BRIP1: variants seen among roughly 807,000 people sequenced by gnomAD.
The protein encoded by BRIP1 is BRCA1 interacting DNA helicase 1.
A neutral mutation model predicts 119.7 loss-of-function variants in BRIP1; 88 were observed. The ratio of observed to expected loss-of-function variants is 0.74; its 90% CI spans 0.62 to 0.88. The LOEUF is 0.88. Among genes scored for constraint, BRIP1 ranks in the 40% least tolerant of loss-of-function variants. BRIP1 has a pLI of 0.00. For missense variants in BRIP1, 1,259 were observed against 1,455.4 expected (o/e 0.87, Z 2.20); for synonymous variants, 443 against 496.5 (o/e 0.89, Z 1.43).
In BRIP1 at chr17:61,776,147, G is replaced by A. The variant is rs1245002681; in HGVS notation, c.2097+254C>T. 1 of 447,290 alleles carries A rather than the reference G, an allele frequency of 2.2e-6. No individual in the cohort carries two copies. Among genetic ancestry groups the A allele is most frequent in the Non-Finnish European group, 4.1e-6 (1 of 244,354 alleles). The allele number at this position is 447,290 out of a possible 1,614,324, so 27.7% of individuals were successfully genotyped here. ...TCCTCCCAGCTCAGCCTCCCAACCT[G>A]CTGGGATTACAAGCATGAGCCACCA... On this transcript the variant is annotated intron_variant, in intron 14 of 19. Coordinates refer to ENST00000259008, the MANE Select transcript of BRIP1 (RefSeq NM_032043.3). This position sits in a 1 kb window ranked among gnomAD's most constrained non-coding sequence, Gnocchi z 5.0.
rs1006506018 is a variant in BRIP1, at chr17:61,746,908, A to G, written c.2098-2317T>C. ...TATTCTTCACAACTGTACATGGAACATTCTCTAGGACAGATCATGTGTTAG... is the reference window on the plus strand; with the variant it reads ...TATTCTTCACAACTGTACATGGAACGTTCTCTAGGACAGATCATGTGTTAG... On this transcript the variant is annotated intron_variant, in intron 14 of 19. Coordinates refer to ENST00000259008, the MANE Select transcript of BRIP1 (RefSeq NM_032043.3). The surrounding 1 kb of genome is among the most constrained non-coding windows in gnomAD (Gnocchi z 4.9). 1.3e-5 allele frequency among the ~76,000 whole-genome samples: 2 copies of G among 152,196 alleles called. No individual in the cohort carries two copies. The highest frequency in any genetic ancestry group is 6.5e-5 in the Admixed American group (1 of 15,282).
chr17:61,792,259 T>C (rs1460277547), intron 10 of BRIP1, among the ~76,000 whole-genome samples: 1 of 152,236 alleles, frequency 6.6e-6, no homozygotes, highest in Non-Finnish European at 1.5e-5. Flanking sequence ...ACAGCCACTT[T>C]TGAAGACTGT....
rs557634209 is a variant in BRIP1 at position 61,860,811 on chromosome 17, G to A, written c.93+636C>T. ...TTATACAACAATTAAAATGGATTAA[G>A]AATCAACAGGGCTATACATTAAAAA... On this transcript the variant is annotated intron_variant, in intron 2 of 19. Coordinates refer to ENST00000259008, the MANE Select transcript of BRIP1 (RefSeq NM_032043.3). This position sits in a 1 kb window ranked among gnomAD's most constrained non-coding sequence, Gnocchi z 4.1. Among the ~76,000 whole-genome samples the A allele has an allele frequency of 1.3e-5, 2 of 152,200 alleles. No individual in the cohort carries two copies. Among genetic ancestry groups the A allele is most frequent in the East Asian group, 3.9e-4 (2 of 5,188 alleles).
rs1046594056 is a variant in BRIP1 at position 61,814,131 on chromosome 17, T to G, written c.628-5374A>C. Among the ~76,000 whole-genome samples, 1 of 152,118 alleles carries G rather than the reference T, an allele frequency of 6.6e-6. No homozygotes were observed. The highest frequency in any genetic ancestry group is 2.4e-5 in the African/African-American group (1 of 41,464). On this transcript the variant is annotated intron_variant, in intron 6 of 19. Coordinates refer to ENST00000259008, the MANE Select transcript of BRIP1 (RefSeq NM_032043.3). This position sits in a 1 kb window ranked among gnomAD's most constrained non-coding sequence, Gnocchi z 4.9. ...GCAAAAGAGCCAGACAGTAAACATTTCAAGCTTCAAAGGCTATATGGTCTC... is the reference window on the plus strand; with the variant it reads ...GCAAAAGAGCCAGACAGTAAACATTGCAAGCTTCAAAGGCTATATGGTCTC...
At position 61,713,147 on chromosome 17, in the gene BRIP1, G is replaced by A. The variant is rs1453111904; in HGVS notation, c.2492+2804C>T. On this transcript the variant is annotated intron_variant, in intron 17 of 19. Coordinates refer to ENST00000259008, the MANE Select transcript of BRIP1 (RefSeq NM_032043.3). The surrounding 1 kb of genome is among the most constrained non-coding windows in gnomAD (Gnocchi z 4.9). ...ATGCATTACAAGTGCTTGTGGCGAT[G>A]CTGGTGTAAACAAACCTACTGTGCT... Among the ~76,000 whole-genome samples, 1 of 152,156 alleles carries A rather than the reference G, an allele frequency of 6.6e-6. No homozygotes were observed. The highest frequency in any genetic ancestry group is 2.4e-5 in the African/African-American group (1 of 41,436).
rs1320529562 is a variant in BRIP1, at chr17:61,693,635, TATC to T, written c.2493-126_2493-124del. 40 of 809,438 alleles carry T rather than the reference TATC, an allele frequency of 4.9e-5. No individual in the cohort carries two copies. In the Admixed American group the frequency reaches 8.5e-4, roughly 17 times the overall value. The allele number at this position is 809,438 out of a possible 1,614,324, so 50.1% of individuals were successfully genotyped here. On this transcript the variant is annotated intron_variant, in intron 17 of 19. Transcript: ENST00000259008. This position sits in a 1 kb window ranked among gnomAD's most constrained non-coding sequence, Gnocchi z 4.2. ...TAGATTCCTTTAAACAATTTGTTATTATCAGAAAAGTTACAGAAGCTATCCAAC... is the reference window on the plus strand; with the variant it reads ...TAGATTCCTTTAAACAATTTGTTATTAGAAAAGTTACAGAAGCTATCCAAC...
intron 6 of BRIP1, among the ~76,000 whole-genome samples, chr17:61,837,054 C>T (rs759559410): frequency 2.0e-5 from 3 of 152,252 alleles, no homozygotes; most frequent in East Asian, 1.9e-4. Context: ...CTTCCTGATA[C>T]GGTTGTTATA....
chr17:61,738,726 T>G lies in BRIP1; in HGVS notation c.2379+4287A>C, dbSNP rs1038150476. Among the ~76,000 whole-genome samples, 5 of 152,232 alleles carry G rather than the reference T, an allele frequency of 3.3e-5. No individual in the cohort carries two copies. Among genetic ancestry groups the G allele is most frequent in the Admixed American group, 2.0e-4 (3 of 15,282 alleles). ...AATGGAATTTTCTCACAAATGTATATTTTTAATTTTAAGAATTTTTGGAAA... is the reference window on the plus strand; with the variant it reads ...AATGGAATTTTCTCACAAATGTATAGTTTTAATTTTAAGAATTTTTGGAAA... On this transcript the variant is annotated intron_variant, in intron 16 of 19. Transcript: ENST00000259008. This position sits in a 1 kb window ranked among gnomAD's most constrained non-coding sequence, Gnocchi z 4.2.
At position 61,809,819 on chromosome 17, in the gene BRIP1, GT is replaced by G. The variant is rs892776223; in HGVS notation, c.628-1063del. ...AGTAGAACAAACACTCTACTTGACT[GT>G]TTTTTTTTATTATTGTAATCAGTAA... is the stretch of plus-strand genomic sequence containing the variant. On this transcript the variant is annotated intron_variant, in intron 6 of 19. Transcript: ENST00000259008. This position sits in a 1 kb window ranked among gnomAD's most constrained non-coding sequence, Gnocchi z 5.2. Among the ~76,000 whole-genome samples, 12 of 151,388 alleles carry G rather than the reference GT, an allele frequency of 7.9e-5. No homozygotes were observed. In the South Asian group the frequency reaches 2.1e-3, roughly 26 times the overall value.
intron 6 of BRIP1, among the ~76,000 whole-genome samples, chr17:61,835,862 T>C (rs944033633): frequency 1.3e-5 from 2 of 152,080 alleles, no homozygotes; most frequent in Non-Finnish European, 2.9e-5. Flanking sequence ...CCTGACCTCA[T>C]ACATGCATGA....
rs1485136140 is a variant in BRIP1 at position 61,795,618 on chromosome 17, T to C, written c.1341-1889A>G. On this transcript the variant is annotated intron_variant, in intron 9 of 19. Transcript: ENST00000259008. The surrounding 1 kb of genome is among the most constrained non-coding windows in gnomAD (Gnocchi z 5.6). ...GTTATGGCTGAATGGTACTCCATTG[T>C]GTATATGTAACCACATTTTCTTTAT... is the stretch of plus-strand genomic sequence containing the variant. Among the ~76,000 whole-genome samples, 2 of 152,168 alleles carry C rather than the reference T, an allele frequency of 1.3e-5. No individual in the cohort carries two copies. The highest frequency in any genetic ancestry group is 4.8e-5 in the African/African-American group (2 of 41,462).
In BRIP1 at chr17:61,699,535, C is replaced by A. The variant is rs1228456892; in HGVS notation, c.2493-6023G>T. On this transcript the variant is annotated intron_variant, in intron 17 of 19. Coordinates refer to ENST00000259008, the MANE Select transcript of BRIP1 (RefSeq NM_032043.3). This position sits in a 1 kb window ranked among gnomAD's most constrained non-coding sequence, Gnocchi z 4.8. ...AATTGCCAACTTAATTTCAATAGTA[C>A]AAAAAAATGGTCCTTCTGTTCCCTC... Among the ~76,000 whole-genome samples, 2 of 151,942 alleles carry A rather than the reference C, an allele frequency of 1.3e-5. No individual in the cohort carries two copies. Among genetic ancestry groups the A allele is most frequent in the Non-Finnish European group, 1.5e-5 (1 of 67,958 alleles).
rs1290758266 is a variant in BRIP1 at position 61,857,987 on chromosome 17, A to G, written c.206-756T>C. On this transcript the variant is annotated intron_variant, in intron 3 of 19. Coordinates refer to ENST00000259008, the MANE Select transcript of BRIP1 (RefSeq NM_032043.3). This position sits in a 1 kb window ranked among gnomAD's most constrained non-coding sequence, Gnocchi z 5.1. ...ACATAAGGGTTAAATCATTCCCCCA[A>G]TTATACTTCTATTTCAAATAGAAAC... is the stretch of plus-strand genomic sequence containing the variant. Among the ~76,000 whole-genome samples the G allele has an allele frequency of 1.3e-5, 2 of 152,166 alleles. No individual in the cohort carries two copies. The highest frequency in any genetic ancestry group is 2.9e-5 in the Non-Finnish European group (2 of 68,016).
intron 10 of BRIP1, among the ~76,000 whole-genome samples, chr17:61,786,495 T>A (rs999696081): frequency 4.6e-5 from 7 of 150,878 alleles, no homozygotes; most frequent in African/African-American, 1.7e-4. Context: ...TGGTAAAAAT[T>A]CCTAAAAATA....
Position 61,713,721 on chromosome 17 carries a change from C to CTCATCATCA in BRIP1, c.2492+2229_2492+2230insTGATGATGA, listed in dbSNP as rs1281017663. 6.6e-6 allele frequency among the ~76,000 whole-genome samples: 1 copy of CTCATCATCA among 151,946 alleles called. No individual in the cohort carries two copies. Among genetic ancestry groups the CTCATCATCA allele is most frequent in the Non-Finnish European group, 1.5e-5 (1 of 67,962 alleles). ...AGTTTTAGTAGAGATGGGGTTTCACCACGTTGGCCAGGTTGCTATCGAACT... is the reference window on the plus strand; with the variant it reads ...AGTTTTAGTAGAGATGGGGTTTCACCTCATCATCAACGTTGGCCAGGTTGCTATCGAACT... On this transcript the variant is annotated intron_variant, in intron 17 of 19. Coordinates refer to ENST00000259008, the MANE Select transcript of BRIP1 (RefSeq NM_032043.3). This position sits in a 1 kb window ranked among gnomAD's most constrained non-coding sequence, Gnocchi z 4.9.
chr17:61,755,522 G>A lies in BRIP1; in HGVS notation c.2098-10931C>T, dbSNP rs549715936. On this transcript the variant is annotated intron_variant, in intron 14 of 19. Coordinates refer to ENST00000259008, the MANE Select transcript of BRIP1 (RefSeq NM_032043.3). The surrounding 1 kb of genome is among the most constrained non-coding windows in gnomAD (Gnocchi z 4.5). ...TGCACTGAGCTGTGATCATGCCACC[G>A]TACTCCAGCCTGGGTGATAGAGTGA... Among the ~76,000 whole-genome samples the A allele has an allele frequency of 7.9e-5, 12 of 152,166 alleles. No homozygotes were observed. Among genetic ancestry groups the A allele is most frequent in the African/African-American group, 2.6e-4 (11 of 41,512 alleles).
In BRIP1 at chr17:61,827,658, G is replaced by A. The variant is rs1206772617; in HGVS notation, c.628-18901C>T. ...GTGGGAGGACTGCTTGATCCTGGGA[G>A]GCGGACACTGCAGTCAGCTGAGATA... is the stretch of plus-strand genomic sequence containing the variant. On this transcript the variant is annotated intron_variant, in intron 6 of 19. Coordinates refer to ENST00000259008, the MANE Select transcript of BRIP1 (RefSeq NM_032043.3). The surrounding 1 kb of genome is among the most constrained non-coding windows in gnomAD (Gnocchi z 5.8). 1.3e-5 allele frequency among the ~76,000 whole-genome samples: 2 copies of A among 152,208 alleles called. No homozygotes were observed. The highest frequency in any genetic ancestry group is 2.9e-5 in the Non-Finnish European group (2 of 68,050).
Position 61,734,318 on chromosome 17 carries a change from C to T in BRIP1, c.2379+8695G>A, listed in dbSNP as rs1047225449. Among the ~76,000 whole-genome samples, 12 of 152,274 alleles carry T rather than the reference C, an allele frequency of 7.9e-5. No homozygotes were observed. The highest frequency in any genetic ancestry group is 2.0e-4 in the Admixed American group (3 of 15,288). On this transcript the variant is annotated intron_variant, in intron 16 of 19. Transcript: ENST00000259008. The surrounding 1 kb of genome is among the most constrained non-coding windows in gnomAD (Gnocchi z 5.2). ...TTTTATTTTAGTTATACTTTTCCAT[C>T]GACATCTAGTCATATAAAAGCCTTG...
intron 6 of BRIP1, among the ~76,000 whole-genome samples, chr17:61,829,590 CT>C (rs1044778224): frequency 1.4e-3 from 216 of 151,942 alleles, no homozygotes; most frequent in African/African-American, 5.1e-3. Flanking sequence ...AATACCCATA[CT>C]TTCCAAAAAC....
Sources: allele counts gnomAD v4.1 joint callset (sites outside exome capture counted in the v4.1 genomes callset), GRCh38; gene constraint gnomAD v4.1.1; non-coding constraint Gnocchi (gnomAD v3.1); transcripts MANE v1.5; gene names NCBI Gene and HGNC (gene_info 2026-07-23, HGNC 2026-07-21).